ABI3BP: variants seen among roughly 807,000 people sequenced by gnomAD.
The protein encoded by ABI3BP is ABI family member 3 binding protein, also known as target of Nesh-SH3.
Under a neutral mutation model 268.6 loss-of-function variants are expected in ABI3BP, and 216 were observed. That is an observed-to-expected ratio of 0.80 (90% CI 0.72 to 0.90). The LOEUF is 0.90. ABI3BP is among the 40% of genes least tolerant of loss of function. The pLI is 0.00. For synonymous variants in ABI3BP, 730 were observed against 730.0 expected (o/e 1.00, Z 0.00); for missense variants, 2,090 against 2,182.4 (o/e 0.96, Z 0.84).
At position 100,839,624 on chromosome 3, in the gene ABI3BP, A is replaced by G. The variant is rs1466633889; in HGVS notation, c.1898-8T>C. ...TCGTGGCAGGTTCCAGAGCTACAGA[A>G]GCAAATACCAAAAACATGAAATATT... is the stretch of plus-strand genomic sequence containing the variant. On this transcript the variant is annotated splice_polypyrimidine_tract_variant and splice_region_variant and intron_variant, in intron 23 of 67. Transcript: ENST00000471714. 1 of 1,535,820 alleles carries G rather than the reference A, an allele frequency of 6.5e-7. No individual in the cohort carries two copies. Among genetic ancestry groups the G allele is most frequent in the Admixed American group, 2.0e-5 (1 of 50,990 alleles).
chr3:100,912,120 GT>G, intron 2 of ABI3BP: 3 of 558,160 alleles, frequency 5.4e-6, no homozygotes, highest in Non-Finnish European at 6.5e-6. Flanking sequence ...CAGTGCTGGG[GT>G]TGTGTAAGGC....
At chr3:100,857,212 A>ATGC (rs1316533534) in intron 14 of ABI3BP, among the ~76,000 whole-genome samples, 2 of 152,218 alleles carry the variant, frequency 1.3e-5, no homozygotes, top group Admixed American at 6.5e-5. Context: ...ATTTAAAAGC[A>ATGC]TAATTGCTAT....
At chr3:100,982,541 C>A (rs1222649819) in intron 1 of ABI3BP, among the ~76,000 whole-genome samples, 1 of 151,460 alleles carries the variant, frequency 6.6e-6, no homozygotes, top group Non-Finnish European at 1.5e-5. Context: ...TACTTTTGCA[C>A]CAACCTAATG....
At chr3:100,806,410 A>G (rs1352940934) in intron 50 of ABI3BP, among the ~76,000 whole-genome samples, 1 of 152,038 alleles carries the variant, frequency 6.6e-6, no homozygotes, top group Non-Finnish European at 1.5e-5. Context: ...GGATTCAACT[A>G]TTTGTCTTTA....
intron 2 of ABI3BP, chr3:100,912,010 A>G (rs2056703159): frequency 1.3e-6 from 1 of 774,458 alleles, no homozygotes. Context: ...CTGAATGTCA[A>G]TTGTATAAAC....
intron 56 of ABI3BP, among the ~76,000 whole-genome samples, chr3:100,788,653 A>G (rs1358236517): frequency 1.3e-5 from 2 of 152,176 alleles, no homozygotes; most frequent in African/African-American, 4.8e-5. Flanking sequence ...ACACATGGTT[A>G]TAGAAGATTT....
At chr3:100,986,718 C>T (rs781359386) in intron 1 of ABI3BP, among the ~76,000 whole-genome samples, 5 of 152,046 alleles carry the variant, frequency 3.3e-5, no homozygotes, top group Non-Finnish European at 5.9e-5. Flanking sequence ...CTGCTCACCT[C>T]GGCCTTCCAA....
chr3:100,909,844 G>A (rs1469797868), intron 2 of ABI3BP, among the ~76,000 whole-genome samples: 2 of 152,180 alleles, frequency 1.3e-5, no homozygotes, highest in African/African-American at 4.8e-5. Context: ...TTCAACCACT[G>A]TGGAAGACAG....
At chr3:100,813,760 A>C in intron 44 of ABI3BP, 25 bp from the exon 45 acceptor site, 1 of 1,519,912 alleles carries the variant, frequency 6.6e-7, no homozygotes, top group South Asian at 1.2e-5. Flanking sequence ...TCTCAATTGT[A>C]AGAGTAATTT....
At chr3:100,869,330 G>GTTTTTTTGTTTTTTTTTTTTTT (rs2099085721) in intron 9 of ABI3BP, among the ~76,000 whole-genome samples, 1 of 49,754 alleles carries the variant, frequency 2.0e-5, no homozygotes, top group Non-Finnish European at 3.4e-5. Context: ...CTTCTTTTTG[G>GTTTTTTTGTTTTTTTTTTTTTT]TTTTTTTTTT....
At chr3:100,934,347 A>G (rs890377920) in intron 1 of ABI3BP, among the ~76,000 whole-genome samples, 68 of 152,022 alleles carry the variant, frequency 4.5e-4, no homozygotes, top group Non-Finnish European at 8.7e-4. Flanking sequence ...ATTCCATGGT[A>G]TATATGTGCC....
At chr3:100,856,825 G>C (rs1426406494) in intron 14 of ABI3BP, among the ~76,000 whole-genome samples, 1 of 152,104 alleles carries the variant, frequency 6.6e-6, no homozygotes, top group Non-Finnish European at 1.5e-5. Context: ...CCCATCTGTG[G>C]GATGATAAAT....
At chr3:100,856,702 A>G (rs1465646801) in intron 14 of ABI3BP, among the ~76,000 whole-genome samples, 3 of 152,164 alleles carry the variant, frequency 2.0e-5, no homozygotes, top group Admixed American at 2.0e-4. Context: ...TTAAGGTTAC[A>G]ATTAAGTAAA....
chr3:100,924,601 C>A (rs562438360), intron 2 of ABI3BP, among the ~76,000 whole-genome samples: 6 of 152,004 alleles, frequency 3.9e-5, no homozygotes, highest in Non-Finnish European at 5.9e-5. Context: ...AATACTCTTT[C>A]CTTGGTTGTC....
rs1264734311 is a variant in ABI3BP, at chr3:100,787,679, C to T, written c.4162+49G>A. The T allele has an allele frequency of 9.3e-6, 13 of 1,392,292 alleles. 1 individual carries two copies. The highest frequency in any genetic ancestry group is 1.1e-5 in the Non-Finnish European group (12 of 1,043,584). 86.2% of individuals were successfully genotyped at this position (1,392,292 alleles called of 1,614,324 possible). ...CAGCAATATCATGAAAATTAAATAACACTTATAGTTTTGACAGGATAAAAA... is the reference window on the plus strand; with the variant it reads ...CAGCAATATCATGAAAATTAAATAATACTTATAGTTTTGACAGGATAAAAA... On this transcript the variant is annotated intron_variant, in intron 57 of 67. Coordinates refer to ENST00000471714, the MANE Select transcript of ABI3BP (RefSeq NM_001375547.2).
At chr3:100,841,963 A>C in intron 21 of ABI3BP, 35 bp downstream of exon 21, 1 of 1,474,162 alleles carries the variant, frequency 6.8e-7, no homozygotes, top group Non-Finnish European at 9.2e-7. Flanking sequence ...TGTTAAAGAT[A>C]CTTTGTTTTC....
intron 4 of ABI3BP, among the ~76,000 whole-genome samples, chr3:100,895,814 A>C (rs920970217): frequency 2.6e-5 from 4 of 152,228 alleles, no homozygotes; most frequent in African/African-American, 9.6e-5. Context: ...AGATTTCTCC[A>C]AGTCTAGTCT....
chr3:100,750,142 TAA>T lies in ABI3BP; in HGVS notation c.*351_*352del. The T allele has an allele frequency of 4.7e-6, 1 of 213,234 alleles. No individual in the cohort carries two copies. The highest frequency in any genetic ancestry group is 1.8e-4 in the South Asian group (1 of 5,442). 13.2% of individuals were successfully genotyped at this position (213,234 alleles called of 1,614,324 possible). A position where few individuals can be genotyped will look rare whatever the true frequency, so the allele number is the denominator to read the frequency against. ...CACATCAATAAAAGTAAATTTTTTT[TAA>T]AAAGTATATACCTTTTTGATGTTAA... On this transcript the variant is annotated 3_prime_UTR_variant, in exon 68 of 68. Coordinates refer to ENST00000471714, the MANE Select transcript of ABI3BP (RefSeq NM_001375547.2).
chr3:100,993,189 C>G, intron 1 of ABI3BP, 117 bp downstream of exon 1: 1 of 689,778 alleles, frequency 1.4e-6, no homozygotes, highest in East Asian at 3.0e-5. Context: ...AACTTTGAAT[C>G]TCTGCAGAAT....
Sources: allele counts gnomAD v4.1 joint callset (sites outside exome capture counted in the v4.1 genomes callset), GRCh38; gene constraint gnomAD v4.1.1; transcripts MANE v1.5; gene names NCBI Gene and HGNC (gene_info 2026-07-23, HGNC 2026-07-21).